Variants in PCSK6 observed in about 807,000 individuals in gnomAD.
PCSK6 encodes proprotein convertase subtilisin/kexin type 6.
A neutral mutation model predicts 123.3 loss-of-function variants in PCSK6; 85 were observed. That is an observed-to-expected ratio of 0.69 (90% CI 0.58 to 0.83). The LOEUF (loss-of-function observed/expected upper bound fraction) is 0.83, where lower values mean the gene tolerates loss of function less well. PCSK6 is among the 40% of genes least tolerant of loss of function. The pLI, the probability that PCSK6 is intolerant of heterozygous loss-of-function variation, is 0.00. For missense variants in PCSK6, 1,191 were observed against 1,282.3 expected, an observed-to-expected ratio of 0.93 and a Z score of 1.09; for synonymous variants, 508 against 516.0, an observed-to-expected ratio of 0.98 and a Z score of 0.21.
intron 2 of PCSK6, among the ~76,000 whole-genome samples, chr15:101,440,845 G>A (rs1446587235): frequency 6.6e-6 from 1 of 152,192 alleles, no homozygotes; most frequent in Non-Finnish European, 1.5e-5. Context: ...TGACTGGGTG[G>A]AGTAAATATT....
intron 1 of PCSK6, among the ~76,000 whole-genome samples, chr15:101,468,796 C>T (rs558842893): frequency 2.8e-4 from 42 of 152,266 alleles, no homozygotes; most frequent in African/African-American, 8.9e-4. Flanking sequence ...GGAGTGTGCC[C>T]GTCAGGCAAG....
rs2056439930 is a variant in PCSK6 at position 101,431,370 on chromosome 15, T to C, written c.607A>G (p.Ile203Val). ...GYTGKNVVVT[I>V]LDDGIERNHP... ...TTTCTCTCTATGCCATCATCAAGGA[T>C]GGTGACCACCACGTTTTTTCCTGTG... The change falls in exon 4 of 22, where the codon ATC becomes GTC. Residue 203 changes from isoleucine to valine, a missense_variant. This residue lies in a region of PCSK6 where 357 missense variants were observed against 484.5 expected (regional missense o/e 0.74). Transcript: ENST00000611716. The C allele has an allele frequency of 1.2e-6, 2 of 1,614,042 alleles. No homozygotes were observed. Among genetic ancestry groups the C allele is most frequent in the South Asian group, 2.2e-5 (2 of 91,080 alleles).
chr15:101,304,607 C>G lies in PCSK6; in HGVS notation c.*651G>C, dbSNP rs1024551303. On this transcript the variant is annotated 3_prime_UTR_variant, in exon 22 of 22. Transcript: ENST00000611716. ...TCGGCTTGCTCAAAGGAGAGCGCTG[C>G]GGGGGATAGAATCTTCTGGTCTGGC... 1 of 152,246 alleles carries G rather than the reference C, an allele frequency of 6.6e-6. No homozygotes were observed. Among genetic ancestry groups the G allele is most frequent in the African/African-American group, 2.4e-5 (1 of 41,402 alleles). 9.4% of individuals were successfully genotyped at this position (152,246 alleles called of 1,614,324 possible).
intron 2 of PCSK6, among the ~76,000 whole-genome samples, chr15:101,436,116 C>T (rs12904402): frequency 7.6e-6 from 1 of 131,016 alleles, no homozygotes; most frequent in African/African-American, 3.3e-5. Flanking sequence ...CCAAAGCCAC[C>T]ATGTCCTTCT....
intron 19 of PCSK6, among the ~76,000 whole-genome samples, chr15:101,316,910 GTTTTTTT>G (rs57613156): frequency 6.1e-5 from 7 of 114,942 alleles, no homozygotes; most frequent in East Asian, 2.5e-4. Flanking sequence ...ACTTAATTCT[GTTTTTTT>G]TTTTTTTTTT....
chr15:101,479,504 GC>G (rs2057816605), intron 1 of PCSK6, among the ~76,000 whole-genome samples: 3 of 152,310 alleles, frequency 2.0e-5, no homozygotes, highest in African/African-American at 7.2e-5. Flanking sequence ...GAGTGAGCAG[GC>G]CCGGCCTCGG....
chr15:101,375,509 A>C (rs1159491054), intron 11 of PCSK6, among the ~76,000 whole-genome samples: 3 of 152,214 alleles, frequency 2.0e-5, no homozygotes, highest in Admixed American at 2.0e-4. Context: ...AGGGGAGTAA[A>C]AGAGAAAATA....
Position 101,393,197 on chromosome 15 carries a change from G to T in PCSK6, c.1209+15C>A, listed in dbSNP as rs2042283901. ...GCACTCACTGTAAGCACTCCAACTT[G>T]CCAAGAGAACTTACGATTTTTCGCT... On this transcript the variant is annotated intron_variant, in intron 8 of 21. Coordinates refer to ENST00000611716, the MANE Select transcript of PCSK6 (RefSeq NM_002570.5). 1.3e-6 allele frequency: 2 copies of T among 1,599,628 alleles called. No individual in the cohort carries two copies. Among genetic ancestry groups the T allele is most frequent in the Non-Finnish European group, 1.7e-6 (2 of 1,169,978 alleles).
chr15:101,315,235 C>T (rs549964567), intron 19 of PCSK6, among the ~76,000 whole-genome samples: 9 of 152,142 alleles, frequency 5.9e-5, no homozygotes, highest in East Asian at 1.9e-4. Flanking sequence ...TTAATGCCAC[C>T]GAACTGTATG....
chr15:101,456,032 C>G (rs2057169749), intron 1 of PCSK6, among the ~76,000 whole-genome samples: 1 of 152,230 alleles, frequency 6.6e-6, no homozygotes, highest in Non-Finnish European at 1.5e-5. Flanking sequence ...CGGGGAGGCA[C>G]TACATTGCCT....
intron 6 of PCSK6, among the ~76,000 whole-genome samples, chr15:101,411,090 C>T (rs2055665178): frequency 6.6e-6 from 1 of 152,210 alleles, no homozygotes. Flanking sequence ...CCTTGGGAAA[C>T]AAGATCAGCA....
intron 1 of PCSK6, among the ~76,000 whole-genome samples, chr15:101,475,652 ATTTTT>A (rs35792381): frequency 8.2e-6 from 1 of 122,682 alleles, no homozygotes. Flanking sequence ...CACTTGGCTA[ATTTTT>A]TTTTTTTTTT....
chr15:101,484,670 C>T (rs534742364), intron 1 of PCSK6, among the ~76,000 whole-genome samples: 6 of 152,322 alleles, frequency 3.9e-5, no homozygotes, highest in Admixed American at 2.0e-4. Context: ...GGATTACAGG[C>T]GTGAGCCACC....
In PCSK6 at chr15:101,450,213, G is replaced by A. The variant is rs927785494; in HGVS notation, c.298-6553C>T. On this transcript the variant is annotated intron_variant, in intron 1 of 21. Transcript: ENST00000611716. ...CCTCGCTGGCCTCTTAGTCTCTCCC[G>A]TACCACCGCACTGACACTCCCACCC... 2.7e-5 allele frequency among the ~76,000 whole-genome samples: 4 copies of A among 150,674 alleles called. No homozygotes were observed. The East Asian group carries it at 5.9e-4, about 22-fold the overall frequency.
chr15:101,430,337 C>T (rs948141517), intron 4 of PCSK6, among the ~76,000 whole-genome samples: 6 of 152,110 alleles, frequency 3.9e-5, no homozygotes, highest in Admixed American at 1.3e-4. Flanking sequence ...ACCTGCAAAA[C>T]CCCACACCCA....
At chr15:101,450,448 C>G (rs1185544819) in intron 1 of PCSK6, among the ~76,000 whole-genome samples, 1 of 152,194 alleles carries the variant, frequency 6.6e-6, no homozygotes, top group Non-Finnish European at 1.5e-5. Flanking sequence ...GAAGCCCTCT[C>G]AGGCCTCCCA....
At chr15:101,343,408 T>C (rs1166503851) in intron 13 of PCSK6, among the ~76,000 whole-genome samples, 1 of 152,144 alleles carries the variant, frequency 6.6e-6, no homozygotes, top group Non-Finnish European at 1.5e-5. Flanking sequence ...GTTGGTTTTT[T>C]TCTATCATCT....
intron 6 of PCSK6, among the ~76,000 whole-genome samples, chr15:101,416,499 C>T (rs112397363): frequency 0.032 from 4,898 of 152,290 alleles, 271 homozygotes; most frequent in African/African-American, 0.11. Context: ...AAATTCAAGC[C>T]GGCTGCAGAA....
chr15:101,435,759 C>T (rs2056581112), intron 2 of PCSK6, among the ~76,000 whole-genome samples: 2 of 152,254 alleles, frequency 1.3e-5, no homozygotes. Context: ...CATCCGTTGA[C>T]TGTCCCTCTG....
Sources: gnomAD v4.1 joint callset for allele counts (sites outside exome capture counted in the v4.1 genomes callset) on GRCh38, gnomAD v4.1.1 for gene constraint, gnomAD v4.1.1 regional missense constraint, MANE v1.5 for transcripts, NCBI Gene and HGNC (gene_info 2026-07-23, HGNC 2026-07-21) for gene names.